Variants in DOT1L observed in about 807,000 individuals in gnomAD.
The protein encoded by DOT1L is histone-lysine N-methyltransferase, H3 lysine-79 specific.
Under a neutral mutation model 153.3 loss-of-function variants are expected in DOT1L, and 33 were observed. The observed-to-expected ratio is 0.22, with a 90% confidence interval of 0.16 to 0.29. The LOEUF (loss-of-function observed/expected upper bound fraction) is 0.29, where lower values mean the gene tolerates loss of function less well. Among genes scored for constraint, DOT1L ranks in the 10% least tolerant of loss-of-function variants. The pLI, the probability that DOT1L is intolerant of heterozygous loss-of-function variation, is 1.00. For missense variants in DOT1L, 1,847 were observed against 2,119.9 expected (o/e 0.87, Z 2.53); for synonymous variants, 1,135 against 965.1 (o/e 1.18, Z -3.26).
chr19:2,188,481 C>CG (rs2022640524), intron 3 of DOT1L, among the ~76,000 whole-genome samples: 1 of 51,844 alleles, frequency 1.9e-5, no homozygotes, highest in Non-Finnish European at 3.9e-5. Flanking sequence ...CCAGCCGCCG[C>CG]CCCCCCCCCC....
intron 1 of DOT1L, among the ~76,000 whole-genome samples, chr19:2,170,644 C>T (rs1451784221): frequency 6.6e-6 from 1 of 152,170 alleles, no homozygotes; most frequent in African/African-American, 2.4e-5. Context: ...AGAGGCCTCA[C>T]GTTGTGACCT....
intron 1 of DOT1L, among the ~76,000 whole-genome samples, chr19:2,167,529 T>TGGCA (rs1175861170): frequency 6.6e-6 from 1 of 152,194 alleles, no homozygotes; most frequent in East Asian, 1.9e-4. Context: ...GGCCCTGGCT[T>TGGCA]GGCAGGGTGT....
In DOT1L at chr19:2,191,984, A is replaced by G. The variant is rs930931841; in HGVS notation, c.493+744A>G. On this transcript the variant is annotated intron_variant, in intron 5 of 27. Coordinates refer to ENST00000398665, the MANE Select transcript of DOT1L (RefSeq NM_032482.3). This position sits in a 1 kb window ranked among gnomAD's most constrained non-coding sequence, Gnocchi z 6.8. Reference sequence around the variant, plus strand: ...GCCTCAGTAGCCTGACGAATTCTTGATAGGACCACCCCATCCAGGCTGCAG... The same window carrying G: ...GCCTCAGTAGCCTGACGAATTCTTGGTAGGACCACCCCATCCAGGCTGCAG... Among the ~76,000 whole-genome samples the G allele has an allele frequency of 6.6e-6, 1 of 152,138 alleles. No homozygotes were observed. Among genetic ancestry groups the G allele is most frequent in the Non-Finnish European group, 1.5e-5 (1 of 68,014 alleles).
At chr19:2,223,134 C>A (rs2024191875) in intron 24 of DOT1L, 147 bp from the exon 25 acceptor site, 2 of 784,942 alleles carry the variant, frequency 2.5e-6, no homozygotes, top group African/African-American at 1.7e-5. Flanking sequence ...AGAACCAGGA[C>A]AGGGGCTGTA....
chr19:2,229,132 C>A (rs1458031083), intron 27 of DOT1L: 1 of 985,324 alleles, frequency 1.0e-6, no homozygotes, highest in South Asian at 4.7e-5. Context: ...CCTTTGAGAC[C>A]AGAAGGAAGT....
rs1163078405 is a variant in DOT1L at position 2,226,909 on chromosome 19, C to A, written c.4388C>A (p.Ser1463Tyr). ...GAASSAQTHRSFLGPFPPGPQ... is the reference protein window; with the variant it reads ...GAASSAQTHRYFLGPFPPGPQ... ...GCGTCCTCCGCCCAGACGCACCGGT[C>A]CTTCCTGGGCCCCTTCCCGCCGGGA... Residue 1463 changes from serine to tyrosine, a missense_variant, in exon 27 of 28, where the codon TCC becomes TAC. Physicochemically the swap from Ser to Tyr is moderately radical, Grantham distance 144 (BLOSUM62 -2). Around this residue, in one of 8 missense-constraint regions of DOT1L, gnomAD observed 934 missense variants for 825.3 expected, o/e 1.13. Coordinates refer to ENST00000398665, the MANE Select transcript of DOT1L (RefSeq NM_032482.3). 1.3e-6 allele frequency: 2 copies of A among 1,578,324 alleles called. No individual in the cohort carries two copies. The highest frequency in any genetic ancestry group is 2.3e-5 in the East Asian group (1 of 42,938).
At chr19:2,171,026 G>A (rs1013670744) in intron 1 of DOT1L, among the ~76,000 whole-genome samples, 2 of 152,162 alleles carry the variant, frequency 1.3e-5, no homozygotes, top group East Asian at 1.9e-4. Context: ...GCAGTGGCTC[G>A]ATATCTGCTG....
intron 7 of DOT1L, among the ~76,000 whole-genome samples, chr19:2,199,635 C>T (rs184465371): frequency 6.6e-6 from 1 of 152,316 alleles, no homozygotes; most frequent in East Asian, 1.9e-4. Context: ...CCTGGCCTCC[C>T]CAAGCGGATG....
chr19:2,176,778 A>G (rs1030535973), intron 1 of DOT1L, among the ~76,000 whole-genome samples: 1 of 152,062 alleles, frequency 6.6e-6, no homozygotes, highest in Non-Finnish European at 1.5e-5. Context: ...TGACAAGAAA[A>G]CTCTGAAACC....
intron 1 of DOT1L, among the ~76,000 whole-genome samples, chr19:2,180,199 C>T (rs2022162410): frequency 6.6e-6 from 1 of 152,154 alleles, no homozygotes; most frequent in Admixed American, 6.5e-5. Context: ...GAAACAGGCC[C>T]CGTGGAGGCT....
chr19:2,172,851 G>T (rs978700606), intron 1 of DOT1L, among the ~76,000 whole-genome samples: 8 of 151,550 alleles, frequency 5.3e-5, no homozygotes, highest in African/African-American at 1.9e-4. Context: ...GACAGTTCAC[G>T]TATCATAAAG....
At position 2,226,478 on chromosome 19, in the gene DOT1L, C is replaced by T. The variant is rs754311817; in HGVS notation, c.3957C>T (p.Gly1319=). 8.1e-6 allele frequency: 13 copies of T among 1,601,144 alleles called. No individual in the cohort carries two copies. The highest frequency in any genetic ancestry group is 1.1e-5 in the Non-Finnish European group (13 of 1,179,636). Residue 1319 remains glycine (G), a synonymous_variant, in exon 27 of 28, where the codon GGC becomes GGT. Transcript: ENST00000398665. ...ACCCTGCCAACGGCTGCACCTTCGG[C>T]GGGGGCCTGGCCGCGGACCTGAGTT... ...GTNPANGCTF[G]GGLAADLSLH...
chr19:2,193,485 G>A lies in DOT1L; in HGVS notation c.494-204G>A, dbSNP rs960435069. Among the ~76,000 whole-genome samples, 25 of 152,286 alleles carry A rather than the reference G, an allele frequency of 1.6e-4. No homozygotes were observed. Among genetic ancestry groups the A allele is most frequent in the African/African-American group, 5.8e-4 (24 of 41,542 alleles). On this transcript the variant is annotated intron_variant, in intron 5 of 27. Transcript: ENST00000398665. The surrounding 1 kb of genome is among the most constrained non-coding windows in gnomAD (Gnocchi z 5.9). ...CCATGGATGACGCGTTGTGATGACC[G>A]TCCCCTCGTGGGGGCTCTGTCAGGG... is the stretch of plus-strand genomic sequence containing the variant.
At position 2,193,671 on chromosome 19, in the gene DOT1L, G is replaced by A. The variant is rs1347759897; in HGVS notation, c.494-18G>A. 6.2e-7 allele frequency: 1 copy of A among 1,612,716 alleles called. No individual in the cohort carries two copies. The highest frequency in any genetic ancestry group is 8.5e-7 in the Non-Finnish European group (1 of 1,178,878). Reference sequence around the variant, plus strand: ...ATCTGAGCGCTGTGTGGTATCTGATGGATCTCTCTGATCATAGGTGTGGGC... The same window carrying A: ...ATCTGAGCGCTGTGTGGTATCTGATAGATCTCTCTGATCATAGGTGTGGGC... On this transcript the variant is annotated intron_variant, in intron 5 of 27. Coordinates refer to ENST00000398665, the MANE Select transcript of DOT1L (RefSeq NM_032482.3). The surrounding 1 kb of genome is among the most constrained non-coding windows in gnomAD (Gnocchi z 5.9).
chr19:2,205,577 G>A (rs968183452), intron 9 of DOT1L, among the ~76,000 whole-genome samples: 9 of 152,202 alleles, frequency 5.9e-5, no homozygotes, highest in African/African-American at 2.2e-4. Flanking sequence ...AGGGTTCAGA[G>A]GTATTTGAAA....
At chr19:2,211,278 TTG>T in intron 15 of DOT1L, 66 bp downstream of exon 15, 1 of 1,400,182 alleles carries the variant, frequency 7.1e-7, no homozygotes, top group Non-Finnish European at 9.7e-7. Context: ...GGACCGTGGG[TTG>T]TGACGCTGAC....
At position 2,210,474 on chromosome 19, in the gene DOT1L, A is replaced by G. The variant is rs756413731; in HGVS notation, c.1080A>G (p.Pro360=). 74 of 1,593,920 alleles carry G rather than the reference A, an allele frequency of 4.6e-5. No individual in the cohort carries two copies. The East Asian group carries it at 1.1e-3, about 24-fold the overall frequency. ...KSNAATPTKG[P]EGKVAGPADA... ...ACGCGGCCACGCCCACTAAGGGCCCAGAGGGCAAGGTGGCCGGCCCCGCCG... is the reference window on the plus strand; with the variant it reads ...ACGCGGCCACGCCCACTAAGGGCCCGGAGGGCAAGGTGGCCGGCCCCGCCG... Residue 360 remains proline (P), a synonymous_variant, in exon 13 of 28, where the codon CCA becomes CCG. Transcript: ENST00000398665.
intron 1 of DOT1L, among the ~76,000 whole-genome samples, chr19:2,166,704 C>T (rs2019936836): frequency 6.6e-6 from 1 of 152,242 alleles, no homozygotes; most frequent in Admixed American, 6.5e-5. Flanking sequence ...AGCCACCGCA[C>T]CTGGCCTCAC....
In DOT1L at chr19:2,223,135, A is replaced by T. The variant is rs571280086; in HGVS notation, c.3391-146A>T. 24 of 782,144 alleles carry T rather than the reference A, an allele frequency of 3.1e-5. 1 individual carries two copies. In the South Asian group the frequency reaches 4.3e-4, roughly 14 times the overall value. 48.5% of individuals were successfully genotyped at this position (782,144 alleles called of 1,614,324 possible). A position where few individuals can be genotyped will look rare whatever the true frequency, so the allele number is the denominator to read the frequency against. On this transcript the variant is annotated intron_variant, in intron 24 of 27. Transcript: ENST00000398665. The stretch of plus-strand genomic sequence containing the variant: ...TGTGAGGACCAGGAAGAACCAGGAC[A>T]GGGGCTGTACTGGCCGCTGGGCAGG...
Sources: gnomAD v4.1 joint callset for allele counts (sites outside exome capture counted in the v4.1 genomes callset) on GRCh38, gnomAD v4.1.1 for gene constraint, gnomAD v4.1.1 regional missense constraint, Gnocchi (gnomAD v3.1) non-coding constraint, MANE v1.5 for transcripts, NCBI Gene and HGNC (gene_info 2026-07-23, HGNC 2026-07-21) for gene names.